SLC1A1: variants seen among roughly 807,000 people sequenced by gnomAD.
SLC1A1 encodes the protein solute carrier family 1 member 1, also known as excitatory amino acid transporter 3.
In SLC1A1, 43 loss-of-function variants were observed where a neutral mutation model predicts 53.3. The ratio of observed to expected loss-of-function variants is 0.81; its 90% confidence interval spans 0.63 to 1.04. The LOEUF (loss-of-function observed/expected upper bound fraction) is 1.04. SLC1A1 is among the 50% of genes least tolerant of loss of function. The probability of loss-of-function intolerance (pLI) is 0.00; values close to 1 mark genes in which losing one functional copy is unlikely to be tolerated. For synonymous variants in SLC1A1, 307 were observed against 243.2 expected (o/e 1.26, Z -2.44); for missense variants, 748 against 664.9 (o/e 1.12, Z -1.37).
chr9:4,505,357 CTT>C (rs1820770557), intron 1 of SLC1A1, among the ~76,000 whole-genome samples: 1 of 151,912 alleles, frequency 6.6e-6, no homozygotes, highest in Non-Finnish European at 1.5e-5. Flanking sequence ...CCCATATTTC[CTT>C]TTTTTATACT....
chr9:4,584,279 G>A (rs1821388336), intron 11 of SLC1A1, among the ~76,000 whole-genome samples: 1 of 152,348 alleles, frequency 6.6e-6, no homozygotes, highest in Non-Finnish European at 1.5e-5. Context: ...CCCCTCAGTA[G>A]CTAACTGGGC....
chr9:4,541,193 G>A (rs1221358711), intron 1 of SLC1A1, among the ~76,000 whole-genome samples: 1 of 152,166 alleles, frequency 6.6e-6, no homozygotes, highest in Admixed American at 6.5e-5. Flanking sequence ...TTGTCAACCT[G>A]AAATAATCAA....
At position 4,579,099 on chromosome 9, in the gene SLC1A1, G is replaced by A. The variant is rs139925717; in HGVS notation, c.1193+2336G>A. 8.5e-5 allele frequency among the ~76,000 whole-genome samples: 13 copies of A among 152,292 alleles called. No homozygotes were observed. The East Asian group carries it at 2.5e-3, about 29-fold the overall frequency. On this transcript the variant is annotated intron_variant, in intron 10 of 11. Coordinates refer to ENST00000262352, the MANE Select transcript of SLC1A1 (RefSeq NM_004170.6). ...AAGTATTTCTGTTGGCTGAAGACAA[G>A]TGCAAAATACACCATTTGGCACACC...
At chr9:4,573,632 C>T (rs528742244) in intron 7 of SLC1A1, among the ~76,000 whole-genome samples, 1 of 152,232 alleles carries the variant, frequency 6.6e-6, no homozygotes, top group African/African-American at 2.4e-5. Context: ...GCATGAGGTG[C>T]GCACCCATCT....
intron 10 of SLC1A1, among the ~76,000 whole-genome samples, chr9:4,580,202 G>A (rs752468948): frequency 3.3e-5 from 5 of 151,110 alleles, no homozygotes; most frequent in African/African-American, 4.9e-5. Context: ...CTGCACTCTA[G>A]CCTAGGCAAC....
At chr9:4,496,016 T>C (rs1820402722) in intron 1 of SLC1A1, among the ~76,000 whole-genome samples, 1 of 151,912 alleles carries the variant, frequency 6.6e-6, no homozygotes, top group Admixed American at 6.6e-5. Context: ...AGGAGACAAA[T>C]GTGGAGTGGA....
chr9:4,519,328 T>A (rs1020553940), intron 1 of SLC1A1, among the ~76,000 whole-genome samples: 14 of 152,268 alleles, frequency 9.2e-5, no homozygotes, highest in Non-Finnish European at 1.8e-4. Flanking sequence ...TATGTACATT[T>A]TCTCTTTGGG....
At chr9:4,537,432 G>A (rs1307477569) in intron 1 of SLC1A1, among the ~76,000 whole-genome samples, 1 of 98,252 alleles carries the variant, frequency 1.0e-5, no homozygotes, top group Non-Finnish European at 2.2e-5. Context: ...GGTGGCGGGC[G>A]CCTGTAGTCC....
intron 1 of SLC1A1, among the ~76,000 whole-genome samples, chr9:4,516,969 A>G (rs1213871573): frequency 3.3e-5 from 5 of 152,212 alleles, no homozygotes; most frequent in African/African-American, 9.7e-5. Context: ...TATGGAAGAA[A>G]CAGAACTTTG....
At chr9:4,524,813 A>G (rs1034730785) in intron 1 of SLC1A1, among the ~76,000 whole-genome samples, 2 of 152,182 alleles carry the variant, frequency 1.3e-5, no homozygotes, top group African/African-American at 4.8e-5. Flanking sequence ...TCCTGGCTTT[A>G]TAACAACCCA....
chr9:4,568,074 T>C (rs760997728), intron 6 of SLC1A1, among the ~76,000 whole-genome samples: 11 of 152,114 alleles, frequency 7.2e-5, no homozygotes, highest in Admixed American at 2.6e-4. Flanking sequence ...GCAGTGTGTT[T>C]AGTGTCATAT....
At chr9:4,494,589 G>T (rs971741789) in intron 1 of SLC1A1, among the ~76,000 whole-genome samples, 14 of 151,608 alleles carry the variant, frequency 9.2e-5, no homozygotes, top group African/African-American at 3.4e-4. Context: ...TGGAAAGAAT[G>T]AATCATTTAT....
rs1032940545 is a variant in SLC1A1, at chr9:4,502,970, T to C, written c.91+12200T>C. Among the ~76,000 whole-genome samples, 4 of 151,784 alleles carry C rather than the reference T, an allele frequency of 2.6e-5. 1 individual carries two copies. The highest frequency in any genetic ancestry group is 4.4e-5 in the Non-Finnish European group (3 of 68,036). ...TCATCTAGTTGCTTTCCCAGAACTG[T>C]TGTACTTTCATGCCCTAATCCTTTT... is the stretch of plus-strand genomic sequence containing the variant. On this transcript the variant is annotated intron_variant, in intron 1 of 11. Coordinates refer to ENST00000262352, the MANE Select transcript of SLC1A1 (RefSeq NM_004170.6).
chr9:4,566,666 G>C (rs1253048419), intron 5 of SLC1A1, among the ~76,000 whole-genome samples: 1 of 151,958 alleles, frequency 6.6e-6, no homozygotes, highest in Non-Finnish European at 1.5e-5. Context: ...TGGGCAACAT[G>C]GCAAGACCAT....
rs1821575700 is a variant in SLC1A1, at chr9:4,586,350, T to C, written c.*792T>C. On this transcript the variant is annotated 3_prime_UTR_variant, in exon 12 of 12. Coordinates refer to ENST00000262352, the MANE Select transcript of SLC1A1 (RefSeq NM_004170.6). ...ACCACGATTCCAACCCAGGTCTGCT[T>C]TGGGGCTTATCAGAACTCCTTTCTA... 6.6e-6 allele frequency: 1 copy of C among 152,100 alleles called. No individual in the cohort carries two copies. The highest frequency in any genetic ancestry group is 1.5e-5 in the Non-Finnish European group (1 of 68,006). The allele number at this position is 152,100 out of a possible 1,614,324, so 9.4% of individuals were successfully genotyped here.
intron 1 of SLC1A1, among the ~76,000 whole-genome samples, chr9:4,509,561 T>TAA (rs111727018): frequency 1.4e-5 from 2 of 141,902 alleles, no homozygotes. Flanking sequence ...CGGGAGAAAA[T>TAA]AAAAAAAAAA....
Position 4,490,575 on chromosome 9 carries a change from C to A in SLC1A1, c.-105C>A. The stretch of plus-strand genomic sequence containing the variant: ...CTGCAGCGGCCGGCTCTCACCTCTC[C>A]CCTGTGCACCCGCATCTCGCCGCGC... On this transcript the variant is annotated 5_prime_UTR_variant, in exon 1 of 12. Coordinates refer to ENST00000262352, the MANE Select transcript of SLC1A1 (RefSeq NM_004170.6). 1 of 875,040 alleles carries A rather than the reference C, an allele frequency of 1.1e-6. No individual in the cohort carries two copies. The highest frequency in any genetic ancestry group is 1.9e-6 in the Non-Finnish European group (1 of 540,496). 54.2% of individuals were successfully genotyped at this position (875,040 alleles called of 1,614,324 possible). A position where few individuals can be genotyped will look rare whatever the true frequency, so the allele number is the denominator to read the frequency against.
chr9:4,574,016 T>A lies in SLC1A1; in HGVS notation c.875+2T>A. 6.3e-7 allele frequency: 1 copy of A among 1,582,776 alleles called. No individual in the cohort carries two copies. The highest frequency in any genetic ancestry group is 8.7e-7 in the Non-Finnish European group (1 of 1,151,532). On this transcript the variant is annotated splice_donor_variant, in intron 8 of 11. Transcript: ENST00000262352. LOFTEE classifies it high-confidence loss of function. ...TTACATGGCCACAGTCCTGACTGGG[T>A]ATGTCAGACTCAAGAGAAGAGACAG...
intron 10 of SLC1A1, among the ~76,000 whole-genome samples, chr9:4,579,698 A>C (rs935545004): frequency 2.0e-5 from 3 of 152,236 alleles, no homozygotes; most frequent in Admixed American, 6.5e-5. Context: ...GAAAATAATA[A>C]AAGTTGGTTT....
Sources: gnomAD v4.1 joint callset for allele counts (sites outside exome capture counted in the v4.1 genomes callset) on GRCh38, gnomAD v4.1.1 for gene constraint, MANE v1.5 for transcripts, NCBI Gene and HGNC (gene_info 2026-07-23, HGNC 2026-07-21) for gene names.